The following MALRD1 variants were observed in gnomAD, a reference collection of about 807,000 sequenced individuals.
MALRD1 encodes MAM and LDL-receptor class A domain-containing protein 1.
A neutral mutation model predicts 242.1 loss-of-function variants in MALRD1; 247 were observed. That is an observed-to-expected ratio of 1.02 (90% CI 0.92 to 1.13). MALRD1 has a LOEUF of 1.13. MALRD1 is among the 50% of genes most tolerant of loss of function. The probability of loss-of-function intolerance (pLI) is 0.00; values close to 1 mark genes in which losing one functional copy is unlikely to be tolerated. For synonymous variants in MALRD1, 995 were observed against 866.6 expected, an observed-to-expected ratio of 1.15 and a Z score of -2.60; for missense variants, 2,989 against 2,533.1, an observed-to-expected ratio of 1.18 and a Z score of -3.86.
chr10:19,549,607 C>G (rs1179706213), intron 32 of MALRD1, among the ~76,000 whole-genome samples: 2 of 152,178 alleles, frequency 1.3e-5, no homozygotes, highest in Non-Finnish European at 2.9e-5. Flanking sequence ...AGGCATAATG[C>G]TGTTGCACAC....
chr10:19,192,309 G>A (rs1449070822), intron 14 of MALRD1, among the ~76,000 whole-genome samples: 2 of 152,146 alleles, frequency 1.3e-5, no homozygotes, highest in Non-Finnish European at 2.9e-5. Flanking sequence ...CCTAAGTTGT[G>A]CACTTAAAAT....
At chr10:19,215,603 T>C (rs1837275061) in intron 18 of MALRD1, among the ~76,000 whole-genome samples, 1 of 152,166 alleles carries the variant, frequency 6.6e-6, no homozygotes, top group African/African-American at 2.4e-5. Context: ...TAATCTAATG[T>C]TTGTTCTTGC....
intron 38 of MALRD1, among the ~76,000 whole-genome samples, chr10:19,693,442 G>A (rs1283880311): frequency 1.3e-5 from 2 of 152,088 alleles, no homozygotes; most frequent in African/African-American, 2.4e-5. Context: ...CAGAAAAACA[G>A]AGAGCCAAAT....
At chr10:19,257,636 A>G (rs1401343984) in intron 18 of MALRD1, 48 bp from the exon 19 acceptor site, 6 of 1,314,056 alleles carry the variant, frequency 4.6e-6, no homozygotes, top group Non-Finnish European at 5.3e-6. Context: ...AATTTCCTTT[A>G]CCACATAAAC....
chr10:19,427,718 T>A (rs1047400672), intron 28 of MALRD1, among the ~76,000 whole-genome samples: 1 of 152,206 alleles, frequency 6.6e-6, no homozygotes, highest in Non-Finnish European at 1.5e-5. Context: ...ATATAGACTG[T>A]GTGTAAGATC....
chr10:19,318,853 A>G (rs749515578), intron 21 of MALRD1, among the ~76,000 whole-genome samples: 1 of 152,074 alleles, frequency 6.6e-6, no homozygotes, highest in Non-Finnish European at 1.5e-5. Context: ...TGTAGACAAC[A>G]AAATGGATAT....
At chr10:19,683,953 G>A (rs1286892020) in intron 36 of MALRD1, among the ~76,000 whole-genome samples, 1 of 151,840 alleles carries the variant, frequency 6.6e-6, no homozygotes, top group African/African-American at 2.4e-5. Flanking sequence ...AGCAGGCCCC[G>A]GTGTGTGATG....
rs146109564 is a variant in MALRD1 at position 19,113,628 on chromosome 10, G to C, written c.694+9553G>C. Among the ~76,000 whole-genome samples the C allele has an allele frequency of 8.0e-4, 119 of 148,734 alleles. 1 individual carries two copies. The highest frequency in any genetic ancestry group is 2.7e-3 in the African/African-American group (110 of 40,332). On this transcript the variant is annotated intron_variant, in intron 5 of 39. Coordinates refer to ENST00000454679, the MANE Select transcript of MALRD1 (RefSeq NM_001142308.3). ...CCTTCTTCTCCCTTCTGCCTTCTTT[G>C]TTCCTTCCTTTTCTTTCTTTCTTTC...
intron 36 of MALRD1, among the ~76,000 whole-genome samples, chr10:19,622,816 T>C (rs1839466307): frequency 6.6e-6 from 1 of 151,902 alleles, no homozygotes; most frequent in Non-Finnish European, 1.5e-5. Context: ...AATTTGACAT[T>C]TCAGACTAGC....
chr10:19,249,572 C>T lies in MALRD1; in HGVS notation c.2992-8112C>T, dbSNP rs12781026. On this transcript the variant is annotated intron_variant, in intron 18 of 39. Coordinates refer to ENST00000454679, the MANE Select transcript of MALRD1 (RefSeq NM_001142308.3). ...GTTACTGTGCTGGATGCTGTGTTTG[C>T]AGCGCTTGTGTCCTTCAGTGTCCCT... Among the ~76,000 whole-genome samples, 1,428 of 152,020 alleles carry T rather than the reference C, an allele frequency of 9.4e-3. 11 individuals are homozygous for T. The highest frequency in any genetic ancestry group is 0.016 in the Non-Finnish European group (1,070 of 67,928).
At chr10:19,652,891 C>T (rs1159957007) in intron 36 of MALRD1, among the ~76,000 whole-genome samples, 1 of 152,156 alleles carries the variant, frequency 6.6e-6, no homozygotes, top group Non-Finnish European at 1.5e-5. Context: ...TGGCTCCTGC[C>T]ACCATGCAAC....
chr10:19,575,767 T>C (rs748151209), intron 33 of MALRD1, among the ~76,000 whole-genome samples: 1 of 152,198 alleles, frequency 6.6e-6, no homozygotes, highest in Non-Finnish European at 1.5e-5. Context: ...GCAAGTTCTA[T>C]AAATGTTGCA....
intron 18 of MALRD1, among the ~76,000 whole-genome samples, chr10:19,222,945 T>A (rs1422835134): frequency 6.6e-6 from 1 of 152,172 alleles, no homozygotes; most frequent in East Asian, 1.9e-4. Flanking sequence ...CCTTCAAACT[T>A]TTTCCCATTC....
chr10:19,320,338 G>T (rs112032467), intron 21 of MALRD1, among the ~76,000 whole-genome samples: 3,107 of 152,054 alleles, frequency 0.02, 96 homozygotes, highest in African/African-American at 0.07. Context: ...TTCTGTTCCT[G>T]TGTTACTTTG....
intron 16 of MALRD1, 129 bp downstream of exon 16, chr10:19,204,542 A>G (rs2131616458): frequency 3.1e-6 from 2 of 646,638 alleles, no homozygotes; most frequent in Non-Finnish European, 5.2e-6. Flanking sequence ...ATAGTATTGC[A>G]TTAAATTCAT....
chr10:19,388,766 T>A (rs1003891236), intron 27 of MALRD1, among the ~76,000 whole-genome samples: 1 of 151,758 alleles, frequency 6.6e-6, no homozygotes, highest in African/African-American at 2.4e-5. Flanking sequence ...GTGAAGGAAC[T>A]TTTTTCCTTG....
intron 38 of MALRD1, among the ~76,000 whole-genome samples, chr10:19,717,371 A>G (rs1589437362): frequency 6.6e-6 from 1 of 152,348 alleles, no homozygotes; most frequent in African/African-American, 2.4e-5. Flanking sequence ...ATTTTGAGGT[A>G]TAACTGACTT....
At chr10:19,335,439 G>A (rs1843563704) in intron 24 of MALRD1, among the ~76,000 whole-genome samples, 1 of 151,872 alleles carries the variant, frequency 6.6e-6, no homozygotes, top group African/African-American at 2.4e-5. Flanking sequence ...GGTCTTAAAT[G>A]TTACGTTTTA....
intron 34 of MALRD1, among the ~76,000 whole-genome samples, chr10:19,601,533 T>G (rs2131577382): frequency 6.6e-6 from 1 of 152,146 alleles, no homozygotes; most frequent in African/African-American, 2.4e-5. Context: ...AACTAATATT[T>G]TTGTTTACAA....
Sources: allele counts gnomAD v4.1 joint callset (sites outside exome capture counted in the v4.1 genomes callset), GRCh38; gene constraint gnomAD v4.1.1; transcripts MANE v1.5; gene names NCBI Gene and HGNC (gene_info 2026-07-23, HGNC 2026-07-21).